Variants in TMCO5A observed in about 807,000 individuals in gnomAD.
TMCO5A encodes the protein transmembrane and coiled-coil domains 5A.
Under a neutral mutation model 42.3 loss-of-function variants are expected in TMCO5A, and 34 were observed. The observed-to-expected ratio is 0.80, with a 90% confidence interval of 0.61 to 1.07. TMCO5A has a LOEUF of 1.07. Ranked by LOEUF, TMCO5A falls within the 50% of genes least tolerant of loss-of-function variation. TMCO5A has a pLI of 0.00. For missense variants in TMCO5A, 357 were observed against 327.9 expected (o/e 1.09, Z -0.69); for synonymous variants, 131 against 115.6 (o/e 1.13, Z -0.86).
intron 10 of TMCO5A, among the ~76,000 whole-genome samples, chr15:37,944,678 TC>T (rs547537303): frequency 4.7e-4 from 72 of 152,140 alleles, no homozygotes; most frequent in African/African-American, 1.7e-3. Flanking sequence ...CAAGGGTTCC[TC>T]CCACCTCAAC....
At chr15:38,033,894 A>T in the TMCO5A span, among the ~76,000 whole-genome samples, 2 of 152,200 alleles carry the variant, frequency 1.3e-5, no homozygotes, top group East Asian at 3.8e-4. Context: ...GATTACAGGC[A>T]TGAGCCACCA....
the TMCO5A span, among the ~76,000 whole-genome samples, chr15:38,032,532 T>C: frequency 6.6e-6 from 1 of 152,226 alleles, no homozygotes; most frequent in Non-Finnish European, 1.5e-5. Context: ...TACTTAATCA[T>C]ATACTTAATT....
At chr15:38,002,206 A>G in the TMCO5A span, among the ~76,000 whole-genome samples, 1 of 143,784 alleles carries the variant, frequency 7.0e-6, no homozygotes, top group Non-Finnish European at 1.5e-5. Context: ...TTAGGATAAA[A>G]GGTTTTTTTT....
At chr15:38,009,914 T>A in the TMCO5A span, among the ~76,000 whole-genome samples, 2 of 152,176 alleles carry the variant, frequency 1.3e-5, no homozygotes, top group Non-Finnish European at 2.9e-5. Context: ...AGGCTGAGAA[T>A]GCCCCCCCAA....
downstream of TMCO5A, among the ~76,000 whole-genome samples, chr15:37,954,757 A>G (rs1218395733): frequency 6.6e-5 from 10 of 152,154 alleles, no homozygotes; most frequent in Non-Finnish European, 1.0e-4. Flanking sequence ...AAACATAGAC[A>G]GTATAATAAA....
the TMCO5A span, among the ~76,000 whole-genome samples, chr15:37,982,112 T>A: frequency 2.0e-5 from 3 of 152,176 alleles, no homozygotes; most frequent in African/African-American, 7.2e-5. Context: ...ACTTGTCCCA[T>A]TTTTCACAGG....
the TMCO5A span, among the ~76,000 whole-genome samples, chr15:37,978,742 C>T: frequency 6.6e-6 from 1 of 152,130 alleles, no homozygotes; most frequent in East Asian, 1.9e-4. Context: ...CTGTATTAGT[C>T]CATTCTTGTA....
the TMCO5A span, among the ~76,000 whole-genome samples, chr15:38,008,324 C>A: frequency 6.6e-6 from 1 of 152,040 alleles, no homozygotes; most frequent in African/African-American, 2.4e-5. Context: ...AAATACCGAC[C>A]GTGGTACTCA....
chr15:38,021,751 A>T, the TMCO5A span, among the ~76,000 whole-genome samples: 2 of 152,082 alleles, frequency 1.3e-5, no homozygotes, highest in African/African-American at 4.8e-5. Flanking sequence ...TTAACTTTTT[A>T]ATTTTTTTAA....
chr15:37,943,207 G>C, intron 9 of TMCO5A, 134 bp from the exon 10 acceptor site: 2 of 692,042 alleles, frequency 2.9e-6, no homozygotes, highest in Non-Finnish European at 4.6e-6. Flanking sequence ...AATTTAAATA[G>C]CTATAGGTAG....
intron 11 of TMCO5A, among the ~76,000 whole-genome samples, chr15:37,964,504 A>G (rs888697030): frequency 2.0e-5 from 3 of 151,998 alleles, no homozygotes; most frequent in Admixed American, 1.3e-4. Flanking sequence ...AAAATTCACA[A>G]TGCGAGCCTC....
At chr15:37,956,869 G>A (rs546044964) in intron 11 of TMCO5A, among the ~76,000 whole-genome samples, 57 of 152,198 alleles carry the variant, frequency 3.7e-4, no homozygotes, top group South Asian at 1.2e-3. Context: ...AAATCCAGCA[G>A]CATATCAAAA....
the TMCO5A span, among the ~76,000 whole-genome samples, chr15:38,008,163 G>A: frequency 1.1e-4 from 17 of 151,650 alleles, no homozygotes; most frequent in South Asian, 1.5e-3. Context: ...CCAAAGTGCT[G>A]AGATTACAGG....
chr15:37,998,908 G>A, the TMCO5A span, among the ~76,000 whole-genome samples: 2 of 151,540 alleles, frequency 1.3e-5, no homozygotes, highest in African/African-American at 4.9e-5. Flanking sequence ...TTTTGTTGTT[G>A]TTGTTGTTGT....
At chr15:37,948,638 A>C (rs990666046) in intron 11 of TMCO5A, among the ~76,000 whole-genome samples, 12 of 152,052 alleles carry the variant, frequency 7.9e-5, no homozygotes, top group African/African-American at 2.7e-4. Context: ...GTCTGCCTAA[A>C]GAGACTTGGT....
chr15:38,010,429 A>T, the TMCO5A span, among the ~76,000 whole-genome samples: 26 of 125,990 alleles, frequency 2.1e-4, 1 homozygote, highest in East Asian at 1.7e-3. Flanking sequence ...GGGAGATCAC[A>T]CACACACACA....
At chr15:37,987,250 AGTT>A in the TMCO5A span, among the ~76,000 whole-genome samples, 3 of 152,018 alleles carry the variant, frequency 2.0e-5, no homozygotes, top group African/African-American at 7.2e-5. Flanking sequence ...TTTTTAATTA[AGTT>A]GTTATTATTG....
At chr15:37,986,582 T>C in the TMCO5A span, among the ~76,000 whole-genome samples, 2 of 152,022 alleles carry the variant, frequency 1.3e-5, no homozygotes, top group South Asian at 2.1e-4. Context: ...GCAAAACTGA[T>C]ACTCTGTACC....
the TMCO5A span, among the ~76,000 whole-genome samples, chr15:38,028,480 A>G: frequency 6.6e-6 from 1 of 152,168 alleles, no homozygotes; most frequent in African/African-American, 2.4e-5. Context: ...GCCTTAGGTG[A>G]CTGTCACAGT....
Sources: gnomAD v4.1 joint callset for allele counts (sites outside exome capture counted in the v4.1 genomes callset) on GRCh38, gnomAD v4.1.1 for gene constraint, MANE v1.5 for transcripts, NCBI Gene and HGNC (gene_info 2026-07-23, HGNC 2026-07-21) for gene names.